LRRK2: variants seen among roughly 807,000 people sequenced by gnomAD.
LRRK2 encodes the protein leucine rich repeat kinase 2.
In LRRK2, 203 loss-of-function variants were observed where a neutral mutation model predicts 302.6. That is an observed-to-expected ratio of 0.67 (90% CI 0.60 to 0.75). The LOEUF (loss-of-function observed/expected upper bound fraction) is 0.75. Ranked by LOEUF, LRRK2 falls within the 30% of genes least tolerant of loss-of-function variation. The pLI, the probability that LRRK2 is intolerant of heterozygous loss-of-function variation, is 0.00. For synonymous variants in LRRK2, 1,066 were observed against 1,031.9 expected, an observed-to-expected ratio of 1.03 and a Z score of -0.63; for missense variants, 2,830 against 2,951.0, an observed-to-expected ratio of 0.96 and a Z score of 0.95.
chr12:40,239,382 T>A (rs555595428), intron 5 of LRRK2, among the ~76,000 whole-genome samples: 16 of 152,270 alleles, frequency 1.1e-4, no homozygotes, highest in Middle Eastern at 3.4e-3. Flanking sequence ...ACAATTAGGA[T>A]AAAGTTTGAG....
intron 20 of LRRK2, among the ~76,000 whole-genome samples, chr12:40,293,173 C>T (rs1399421273): frequency 1.3e-5 from 2 of 152,042 alleles, no homozygotes; most frequent in Non-Finnish European, 2.9e-5. Context: ...ACTTTCTGCA[C>T]ACACATATAT....
intron 39 of LRRK2, 148 bp from the exon 40 acceptor site, chr12:40,334,819 A>G (rs902975614): frequency 3.2e-6 from 3 of 947,972 alleles, no homozygotes; most frequent in Non-Finnish European, 3.2e-6. Flanking sequence ...AAATACGGGA[A>G]AAAAAACTCA....
At chr12:40,243,757 A>G in intron 7 of LRRK2, 76 bp downstream of exon 7, 1 of 1,343,626 alleles carries the variant, frequency 7.4e-7, no homozygotes, top group Non-Finnish European at 1.1e-6. Flanking sequence ...ATGTTGCATA[A>G]TAATGGATAA....
intron 47 of LRRK2, among the ~76,000 whole-genome samples, chr12:40,362,520 T>G (rs946988550): frequency 1.2e-4 from 18 of 152,042 alleles, no homozygotes; most frequent in Non-Finnish European, 2.2e-4. Flanking sequence ...GTCCTCATCC[T>G]TATGAAATTA....
intron 49 of LRRK2, 91 bp downstream of exon 49, chr12:40,365,141 A>G: frequency 8.4e-7 from 1 of 1,190,792 alleles, no homozygotes; most frequent in East Asian, 2.4e-5. Flanking sequence ...TGAACTTTCC[A>G]GTGTCATATG....
chr12:40,227,314 G>T (rs898442741), intron 2 of LRRK2, among the ~76,000 whole-genome samples: 15 of 152,132 alleles, frequency 9.9e-5, no homozygotes, highest in African/African-American at 3.6e-4. Context: ...TGTTGGCAAC[G>T]TTGCAATTTC....
Position 40,295,576 on chromosome 12 carries a change from T to C in LRRK2, c.3028T>C (p.Leu1010=), listed in dbSNP as rs199635806. Residue 1010 remains leucine (L), a synonymous_variant, in exon 23 of 51, where the codon TTG becomes CTG. Transcript: ENST00000298910. ...CCAGAAATGCTGTATAAGTGTTCAT[T>C]TGGAGCATCTTGAAAAGCTGGAGCT... ...LSQKCCISVH[L]EHLEKLELHQ... 47 of 1,613,926 alleles carry C rather than the reference T, an allele frequency of 2.9e-5. No homozygotes were observed. Among genetic ancestry groups the C allele is most frequent in the Non-Finnish European group, 3.6e-5 (43 of 1,179,982 alleles).
intron 32 of LRRK2, among the ~76,000 whole-genome samples, chr12:40,314,426 A>G (rs1945143905): frequency 6.6e-6 from 1 of 152,162 alleles, no homozygotes; most frequent in South Asian, 2.1e-4. Context: ...GGGAGTTAAA[A>G]TATTTGGGTT....
At chr12:40,315,571 G>T (rs1039691450) in intron 33 of LRRK2, among the ~76,000 whole-genome samples, 2 of 151,980 alleles carry the variant, frequency 1.3e-5, no homozygotes, top group South Asian at 4.1e-4. Context: ...AGATCCTGAT[G>T]ATGTCATTGG....
At chr12:40,305,687 T>C (rs1274570575) in intron 27 of LRRK2, 98 bp from the exon 28 acceptor site, 4 of 1,045,174 alleles carry the variant, frequency 3.8e-6, no homozygotes, top group Non-Finnish European at 5.9e-6. Flanking sequence ...AAGCTGCTGA[T>C]GGAATCTGTG....
At chr12:40,295,357 A>G in intron 22 of LRRK2, 70 bp from the exon 23 acceptor site, 1 of 1,439,232 alleles carries the variant, frequency 6.9e-7, no homozygotes, top group Non-Finnish European at 9.6e-7. Context: ...GGAGGTGCTC[A>G]CTAAACTTTT....
chr12:40,322,505 A>G lies in LRRK2; in HGVS notation c.5504A>G (p.Glu1835Gly). The G allele has an allele frequency of 1.2e-6, 2 of 1,612,732 alleles. No homozygotes were observed. Among genetic ancestry groups the G allele is most frequent in the Non-Finnish European group, 1.7e-6 (2 of 1,179,024 alleles). ...CTTGATGACTTGATGAAGAAAGCAG[A>G]GGAAGGTATGTTTTGATACAACTTA... ...ILLDDLMKKA[E>G]EGDLLVNPDQ... The change falls in exon 37 of 51, where the codon GAG (glutamate) becomes GGG (glycine). Residue 1835 changes from glutamate to glycine, a missense_variant. Physicochemically the swap from Glu to Gly is moderately conservative, Grantham distance 98. Around this residue, in one of 3 missense-constraint regions of LRRK2, gnomAD observed 2,121 missense variants for 2,148.0 expected, o/e 0.99. Coordinates refer to ENST00000298910, the MANE Select transcript of LRRK2 (RefSeq NM_198578.4).
intron 7 of LRRK2, among the ~76,000 whole-genome samples, chr12:40,244,822 A>T (rs892969633): frequency 6.6e-6 from 1 of 151,888 alleles, no homozygotes. Context: ...AACATGGCAC[A>T]TGTATACATA....
At chr12:40,316,466 C>A in intron 33 of LRRK2, 1 of 418,248 alleles carries the variant, frequency 2.4e-6, no homozygotes, top group Non-Finnish European at 3.2e-6. Flanking sequence ...TGTGATTTTA[C>A]TCAATTATTA....
chr12:40,291,126 G>C (rs1437806128), intron 20 of LRRK2, among the ~76,000 whole-genome samples: 7 of 151,910 alleles, frequency 4.6e-5, no homozygotes, highest in Non-Finnish European at 4.4e-5. Context: ...CATGTCCTTT[G>C]TAGGGACATG....
rs1485268496 is a variant in LRRK2 at position 40,298,796 on chromosome 12, T to TATATATATATAA, written c.3347+306_3347+307insTATATATAAATA. Among the ~76,000 whole-genome samples, 428 of 117,376 alleles carry TATATATATATAA rather than the reference T, an allele frequency of 3.6e-3. 23 individuals carry two copies. The highest frequency in any genetic ancestry group is 0.012 in the African/African-American group (372 of 31,484). 77.0% of individuals were successfully genotyped at this position (117,376 alleles called of 152,430 possible). On this transcript the variant is annotated intron_variant, in intron 24 of 50. Coordinates refer to ENST00000298910, the MANE Select transcript of LRRK2 (RefSeq NM_198578.4). ...TCAAAGAAATATATATATATATATATATAATATATGTATTATAATATATAA... is the reference window on the plus strand; with the variant it reads ...TCAAAGAAATATATATATATATATATATATATATATAAATAATATATGTATTATAATATATAA...
At chr12:40,245,177 A>G (rs1217017741) in intron 7 of LRRK2, among the ~76,000 whole-genome samples, 1 of 151,934 alleles carries the variant, frequency 6.6e-6, no homozygotes, top group Non-Finnish European at 1.5e-5. Flanking sequence ...TAATAAATAT[A>G]TTGTATATTT....
At chr12:40,236,059 C>G (rs1286034919) in intron 4 of LRRK2, among the ~76,000 whole-genome samples, 1 of 152,060 alleles carries the variant, frequency 6.6e-6, no homozygotes, top group Middle Eastern at 3.2e-3. Context: ...TGTTTGCTCC[C>G]AAAATCTGGA....
At chr12:40,334,657 G>C (rs918732211) in intron 39 of LRRK2, among the ~76,000 whole-genome samples, 2 of 152,118 alleles carry the variant, frequency 1.3e-5, no homozygotes, top group African/African-American at 4.8e-5. Flanking sequence ...ACATTGAGTG[G>C]GCTGAGGAGG....
Sources: allele counts gnomAD v4.1 joint callset (sites outside exome capture counted in the v4.1 genomes callset), GRCh38; gene constraint gnomAD v4.1.1; regional missense constraint gnomAD v4.1.1; transcripts MANE v1.5; gene names NCBI Gene and HGNC (gene_info 2026-07-23, HGNC 2026-07-21).